CCDC171: variants seen among roughly 807,000 people sequenced by gnomAD.
CCDC171 encodes the protein coiled-coil domain-containing protein 171.
Under a neutral mutation model 168.2 loss-of-function variants are expected in CCDC171, and 177 were observed. The observed-to-expected ratio is 1.05, with a 90% CI of 0.93 to 1.19. The LOEUF (loss-of-function observed/expected upper bound fraction) is 1.19. CCDC171 is among the 50% of genes most tolerant of loss of function. The pLI, the probability that CCDC171 is intolerant of heterozygous loss-of-function variation, is 0.00. For synonymous variants in CCDC171, 687 were observed against 540.8 expected (o/e 1.27, Z -3.75); for missense variants, 1,991 against 1,539.0 (o/e 1.29, Z -4.91).
intron 7 of CCDC171, among the ~76,000 whole-genome samples, chr9:15,625,392 A>G (rs1453746625): frequency 6.6e-6 from 1 of 152,182 alleles, no homozygotes; most frequent in Admixed American, 6.5e-5. Context: ...GTCCTTCCCC[A>G]TGCCTATGTC....
intron 10 of CCDC171, among the ~76,000 whole-genome samples, chr9:15,694,077 C>T (rs887025858): frequency 1.3e-5 from 2 of 152,204 alleles, no homozygotes; most frequent in Non-Finnish European, 2.9e-5. Context: ...GCATGATTGA[C>T]AACTCTCTTA....
intron 24 of CCDC171, among the ~76,000 whole-genome samples, chr9:15,905,153 A>G (rs1822358506): frequency 2.0e-5 from 3 of 152,242 alleles, no homozygotes; most frequent in Admixed American, 6.5e-5. Context: ...AATTGAACTC[A>G]GCTCTGCACC....
At chr9:15,720,738 G>A (rs1287622532) in intron 11 of CCDC171, among the ~76,000 whole-genome samples, 2 of 152,146 alleles carry the variant, frequency 1.3e-5, no homozygotes, top group African/African-American at 4.8e-5. Flanking sequence ...TGTGCACAAT[G>A]TGCAGGTTTG....
At chr9:15,732,499 A>G (rs760469883) in intron 16 of CCDC171, among the ~76,000 whole-genome samples, 6 of 152,100 alleles carry the variant, frequency 3.9e-5, no homozygotes, top group Admixed American at 2.0e-4. Context: ...TTGTCCATCT[A>G]TATAGTTTTG....
chr9:16,029,877 G>A (rs1833339266), intron 6 of CCDC171, among the ~76,000 whole-genome samples: 1 of 152,172 alleles, frequency 6.6e-6, no homozygotes, highest in South Asian at 2.1e-4. Flanking sequence ...CATAGTTTGG[G>A]CTGTTATGGC....
At chr9:15,662,896 G>A (rs1015342592) in intron 8 of CCDC171, among the ~76,000 whole-genome samples, 4 of 152,052 alleles carry the variant, frequency 2.6e-5, no homozygotes, top group Non-Finnish European at 4.4e-5. Flanking sequence ...CAGGGGAATC[G>A]CTTGAATCCA....
intron 6 of CCDC171, among the ~76,000 whole-genome samples, chr9:15,618,137 C>T (rs369720650): frequency 4.8e-4 from 73 of 152,310 alleles, no homozygotes; most frequent in African/African-American, 1.6e-3. Flanking sequence ...GCCCCTTCCC[C>T]CAGGTGCTCT....
At chr9:15,928,638 C>G (rs188467168) in intron 25 of CCDC171, among the ~76,000 whole-genome samples, 136 of 151,750 alleles carry the variant, frequency 9.0e-4, no homozygotes, top group African/African-American at 3.2e-3. Flanking sequence ...TCATTTTACC[C>G]TTTGCTAAAT....
the CCDC171 span, among the ~76,000 whole-genome samples, chr9:16,072,824 C>G: frequency 6.6e-6 from 1 of 152,204 alleles, no homozygotes; most frequent in African/African-American, 2.4e-5. Flanking sequence ...CCCTAGCCCC[C>G]TGAGCAGAGC....
intron 11 of CCDC171, among the ~76,000 whole-genome samples, chr9:15,714,633 T>C (rs2052938823): frequency 6.6e-6 from 1 of 152,188 alleles, no homozygotes; most frequent in African/African-American, 2.4e-5. Context: ...TGCATGTTTC[T>C]TTGAGGAAGG....
At chr9:16,106,994 G>T in the CCDC171 span, among the ~76,000 whole-genome samples, 1 of 152,096 alleles carries the variant, frequency 6.6e-6, no homozygotes, top group Admixed American at 6.6e-5. Context: ...CACTGTCTTG[G>T]CTCAGTGTTT....
chr9:15,576,282 C>A (rs577962687), intron 3 of CCDC171, among the ~76,000 whole-genome samples: 1 of 151,776 alleles, frequency 6.6e-6, no homozygotes. Context: ...CTCCTGGGCT[C>A]AAGTGATTTT....
chr9:15,605,515 T>TAA (rs71325923), intron 6 of CCDC171, among the ~76,000 whole-genome samples: 5,569 of 99,044 alleles, frequency 0.056, 213 homozygotes, highest in African/African-American at 0.092. Context: ...CTGTCTCTAC[T>TAA]AAAAAAAAAA....
chr9:15,594,437 A>G (rs1477098284), intron 6 of CCDC171, among the ~76,000 whole-genome samples: 1 of 152,164 alleles, frequency 6.6e-6, no homozygotes, highest in Admixed American at 6.6e-5. Flanking sequence ...TTATTTTTCC[A>G]ATTTAAAATT....
In CCDC171 at chr9:15,773,769, G is replaced by T. The variant is rs190586357; in HGVS notation, c.2672-3831G>T. ...GCACTCTGACCCAAAAGAAATGCAAGAAAAACAAAGATAAATAGAGGGGGC... is the reference window on the plus strand; with the variant it reads ...GCACTCTGACCCAAAAGAAATGCAATAAAAACAAAGATAAATAGAGGGGGC... On this transcript the variant is annotated intron_variant, in intron 18 of 25. Coordinates refer to ENST00000380701, the MANE Select transcript of CCDC171 (RefSeq NM_173550.4). 4.2e-3 allele frequency among the ~76,000 whole-genome samples: 643 copies of T among 151,728 alleles called. 3 individuals are homozygous for T. Among genetic ancestry groups the T allele is most frequent in the Non-Finnish European group, 6.4e-3 (433 of 67,906 alleles).
At chr9:15,967,231 G>A (rs537207397) in intron 25 of CCDC171, among the ~76,000 whole-genome samples, 1 of 152,276 alleles carries the variant, frequency 6.6e-6, no homozygotes, top group South Asian at 2.1e-4. Context: ...TGGCAAGGGA[G>A]CCTCACTGTA....
chr9:16,078,299 G>A, the CCDC171 span, among the ~76,000 whole-genome samples: 2 of 152,180 alleles, frequency 1.3e-5, no homozygotes, highest in East Asian at 1.9e-4. Flanking sequence ...CAGGAACTCA[G>A]CCTCCAGCTC....
chr9:15,966,247 G>T (rs1331354670), intron 25 of CCDC171, among the ~76,000 whole-genome samples: 1 of 152,192 alleles, frequency 6.6e-6, no homozygotes, highest in Non-Finnish European at 1.5e-5. Flanking sequence ...TATGAAAGAG[G>T]CAGACCTTGA....
chr9:16,040,176 C>A (rs115695573), upstream of CCDC171, among the ~76,000 whole-genome samples: 102 of 152,306 alleles, frequency 6.7e-4, no homozygotes, highest in African/African-American at 2.4e-3. Flanking sequence ...CCTAGCCAGA[C>A]GCATACTCCA....
Sources: allele counts gnomAD v4.1 joint callset (sites outside exome capture counted in the v4.1 genomes callset), GRCh38; gene constraint gnomAD v4.1.1; transcripts MANE v1.5; gene names NCBI Gene and HGNC (gene_info 2026-07-23, HGNC 2026-07-21).